The following EGF variants were observed in gnomAD, a reference collection of about 807,000 sequenced individuals.
EGF encodes pro-epidermal growth factor.
Under a neutral mutation model 143.8 loss-of-function variants are expected in EGF, and 95 were observed. That is an observed-to-expected ratio of 0.66 (90% CI 0.56 to 0.78). The LOEUF (loss-of-function observed/expected upper bound fraction) is 0.78. Ranked by LOEUF, EGF falls within the 30% of genes least tolerant of loss-of-function variation. EGF has a pLI of 0.00. For missense variants in EGF, 1,320 were observed against 1,470.9 expected, an observed-to-expected ratio of 0.90 and a Z score of 1.68; for synonymous variants, 510 against 510.5, an observed-to-expected ratio of 1.00 and a Z score of 0.01.
Position 109,964,555 on chromosome 4 carries a change from G to C in EGF, c.1575+18G>C. On this transcript the variant is annotated intron_variant, in intron 10 of 23. Coordinates refer to ENST00000265171, the MANE Select transcript of EGF (RefSeq NM_001963.6). ...AAAATAAGGTATGGTTTTGTTACTT[G>C]AACAGATGTGGACATGCTTTAAGGA... 1 of 1,613,612 alleles carries C rather than the reference G, an allele frequency of 6.2e-7. No individual in the cohort carries two copies. The highest frequency in any genetic ancestry group is 8.5e-7 in the Non-Finnish European group (1 of 1,179,596).
At chr4:109,974,313 C>CTCGTCT (rs1431036299) in intron 11 of EGF, among the ~76,000 whole-genome samples, 1 of 152,154 alleles carries the variant, frequency 6.6e-6, no homozygotes, top group Non-Finnish European at 1.5e-5. Context: ...GCTTGTCTCC[C>CTCGTCT]TCGTCTTCAT....
intron 1 of EGF, among the ~76,000 whole-genome samples, chr4:109,929,653 C>T (rs1739337705): frequency 6.6e-6 from 1 of 152,158 alleles, no homozygotes; most frequent in African/African-American, 2.4e-5. Context: ...TGACACATTT[C>T]TATCACTACT....
At position 109,999,601 on chromosome 4, in the gene EGF, A is replaced by G. The variant is rs537449123; in HGVS notation, c.3006-78A>G. Reference sequence around the variant, plus strand: ...TCTGGAAATGCAGAGGTTGAGAGACAGCTGAATACTGAGTGTCAAAACTAT... The same window carrying G: ...TCTGGAAATGCAGAGGTTGAGAGACGGCTGAATACTGAGTGTCAAAACTAT... On this transcript the variant is annotated intron_variant, in intron 20 of 23. Transcript: ENST00000265171. 49 of 1,574,350 alleles carry G rather than the reference A, an allele frequency of 3.1e-5. No homozygotes were observed. In the Admixed American group the frequency reaches 8.2e-4, roughly 26 times the overall value.
rs763602539 is a variant in EGF at position 109,945,224 on chromosome 4, G to A, written c.889G>A (p.Val297Ile). 1.9e-6 allele frequency: 3 copies of A among 1,614,124 alleles called. No individual in the cohort carries two copies. The highest frequency in any genetic ancestry group is 2.7e-5 in the African/African-American group (2 of 75,028). Residue 297 changes from valine to isoleucine, a missense_variant, in exon 5 of 24, where the codon GTA becomes ATA. By Grantham distance (29) the Val-to-Ile change is conservative. This residue lies in a region of EGF where 1,186 missense variants were observed against 1,313.7 expected (regional missense o/e 0.90). Coordinates refer to ENST00000265171, the MANE Select transcript of EGF (RefSeq NM_001963.6). ...SSFVPLGELK[V>I]VHPLAQPKAE... ...ATTTGTACCACTTGGTGAACTGAAA[G>A]TAGTGCATCCACTTGCACAACCCAA...
rs779382659 is a variant in EGF at position 109,943,937 on chromosome 4, T to C, written c.605T>C (p.Ile202Thr). The C allele has an allele frequency of 6.2e-7, 1 of 1,613,964 alleles. No homozygotes were observed. Among genetic ancestry groups the C allele is most frequent in the Non-Finnish European group, 8.5e-7 (1 of 1,180,028 alleles). ...GCTCTGTTGGAGACATCAGAGAAAA[T>C]AACAGCTGTGTCATTGGATGTGCTT... ...VKALLETSEK[I>T]TAVSLDVLDK... The change falls in exon 4 of 24, where the codon ATA (isoleucine) becomes ACA (threonine). Residue 202 changes from isoleucine to threonine, a missense_variant. Around this residue, in one of 5 missense-constraint regions of EGF, gnomAD observed 1,186 missense variants for 1,313.7 expected, o/e 0.90. Coordinates refer to ENST00000265171, the MANE Select transcript of EGF (RefSeq NM_001963.6).
At position 109,987,841 on chromosome 4, in the gene EGF, G is replaced by A. The variant is rs1435108969; in HGVS notation, c.2589G>A (p.Gly863=). Residue 863 remains glycine, a synonymous_variant, in exon 17 of 24, where the codon GGG becomes GGA. Transcript: ENST00000265171. ...GTCAGTGTTTGAAAGGATTTGCTGG[G>A]GATGGAAAACTATGTTCTGGTAAGA... The part of the protein sequence containing the change: ...ATCQCLKGFA[G]DGKLCSDIDE... The A allele has an allele frequency of 3.1e-6, 5 of 1,613,670 alleles. No individual in the cohort carries two copies. Among genetic ancestry groups the A allele is most frequent in the Non-Finnish European group, 4.2e-6 (5 of 1,179,680 alleles).
intron 5 of EGF, among the ~76,000 whole-genome samples, chr4:109,955,552 T>C (rs1475548189): frequency 1.3e-5 from 2 of 152,204 alleles, no homozygotes; most frequent in Non-Finnish European, 2.9e-5. Context: ...TTCCTGCCTA[T>C]GTCCATTATT....
chr4:109,930,349 G>C (rs1027594117), intron 1 of EGF, among the ~76,000 whole-genome samples: 1 of 152,198 alleles, frequency 6.6e-6, no homozygotes, highest in Non-Finnish European at 1.5e-5. Context: ...CTGGGGAGTA[G>C]TAATAAATGA....
At chr4:109,940,369 T>C (rs999152169) in intron 1 of EGF, among the ~76,000 whole-genome samples, 2 of 152,234 alleles carry the variant, frequency 1.3e-5, no homozygotes, top group African/African-American at 4.8e-5. Context: ...GGGCATCCTG[T>C]ATTTATGTGG....
Position 110,011,475 on chromosome 4 carries a change from A to G in EGF, c.*20A>G. On this transcript the variant is annotated 3_prime_UTR_variant, in exon 24 of 24. Transcript: ENST00000265171. ...CAGTGAAAACTGGAATTAAAAGGAA[A>G]GTCAAGAAGAATGAACTATGTCGAT... is the stretch of plus-strand genomic sequence containing the variant. 1.2e-6 allele frequency: 2 copies of G among 1,614,170 alleles called. No homozygotes were observed. The highest frequency in any genetic ancestry group is 4.5e-5 in the East Asian group (2 of 44,886).
rs906715158 is a variant in EGF, at chr4:110,012,321, G to C, written c.*866G>C. On this transcript the variant is annotated 3_prime_UTR_variant, in exon 24 of 24. Coordinates refer to ENST00000265171, the MANE Select transcript of EGF (RefSeq NM_001963.6). ...AATTATAGTCTAAGGCAGTACTAGA[G>C]TTGAACCAAAATGATTTGTCAAGCT... The C allele has an allele frequency of 1.3e-5, 2 of 150,710 alleles. No homozygotes were observed. Among genetic ancestry groups the C allele is most frequent in the African/African-American group, 4.9e-5 (2 of 41,094 alleles). 9.3% of individuals were successfully genotyped at this position (150,710 alleles called of 1,614,324 possible). A position where few individuals can be genotyped will look rare whatever the true frequency, so the allele number is the denominator to read the frequency against.
intron 16 of EGF, among the ~76,000 whole-genome samples, chr4:109,987,440 A>G (rs1322262926): frequency 6.6e-6 from 1 of 151,920 alleles, no homozygotes; most frequent in Non-Finnish European, 1.5e-5. Flanking sequence ...ACTATACACC[A>G]GTTTTCAGTA....
intron 1 of EGF, among the ~76,000 whole-genome samples, chr4:109,940,329 A>G (rs1741694858): frequency 6.6e-6 from 1 of 152,246 alleles, no homozygotes; most frequent in Non-Finnish European, 1.5e-5. Flanking sequence ...TGTATGTCCC[A>G]TGCAATATAT....
intron 1 of EGF, among the ~76,000 whole-genome samples, chr4:109,929,758 T>C (rs934355958): frequency 4.6e-5 from 7 of 152,208 alleles, no homozygotes; most frequent in African/African-American, 7.2e-5. Context: ...CTCCTGGCTC[T>C]TCTTTCTGGG....
At chr4:109,967,924 ACAC>A (rs1746871089) in intron 10 of EGF, among the ~76,000 whole-genome samples, 1 of 152,158 alleles carries the variant, frequency 6.6e-6, no homozygotes, top group Non-Finnish European at 1.5e-5. Flanking sequence ...TTAAAATGAT[ACAC>A]CTTTATAGGG....
chr4:109,992,419 G>A (rs567513717), intron 18 of EGF: 19 of 152,144 alleles, frequency 1.2e-4, no homozygotes, highest in African/African-American at 4.3e-4. Flanking sequence ...TTCGTGAAGC[G>A]TTCCATATTT....
At chr4:109,919,702 G>A (rs1048496454) in intron 1 of EGF, among the ~76,000 whole-genome samples, 4 of 150,886 alleles carry the variant, frequency 2.7e-5, no homozygotes, top group African/African-American at 7.5e-5. Flanking sequence ...GGTGTGGCCA[G>A]AGATCAAGGA....
rs1353596862 is a variant in EGF, at chr4:109,943,356, G to T, written c.430G>T (p.Asp144Tyr). 3 of 1,613,404 alleles carry T rather than the reference G, an allele frequency of 1.9e-6. No individual in the cohort carries two copies. In the East Asian group the frequency reaches 6.7e-5, roughly 36 times the overall value. ...ACAGGAAGGAATCATTACAGTAACA[G>T]ATATGAAAGGAAATAATTCCCACAT... The part of the protein sequence containing the change: ...NQQEGIITVT[D>Y]MKGNNSHILL... The change falls in exon 3 of 24, where the codon GAT becomes TAT. Residue 144 changes from aspartate to tyrosine, a missense_variant. Coordinates refer to ENST00000265171, the MANE Select transcript of EGF (RefSeq NM_001963.6).
intron 21 of EGF, 92 bp downstream of exon 21, chr4:109,999,938 A>G: frequency 6.5e-7 from 1 of 1,547,244 alleles, no homozygotes; most frequent in Non-Finnish European, 8.9e-7. Context: ...ATGAAATAGT[A>G]CCTCTACATA....
Sources: gnomAD v4.1 joint callset for allele counts (sites outside exome capture counted in the v4.1 genomes callset) on GRCh38, gnomAD v4.1.1 for gene constraint, gnomAD v4.1.1 regional missense constraint, MANE v1.5 for transcripts, NCBI Gene and HGNC (gene_info 2026-07-23, HGNC 2026-07-21) for gene names.